The following F13A1 variants were observed in gnomAD, a reference collection of about 807,000 sequenced individuals.
F13A1 encodes the protein coagulation factor XIII A chain, also known as FSF, A subunit.
In F13A1, 47 loss-of-function variants were observed where a neutral mutation model predicts 80.1. The observed-to-expected ratio is 0.59, with a 90% CI of 0.46 to 0.75. The LOEUF is 0.75. Ranked by LOEUF, F13A1 falls within the 30% of genes least tolerant of loss-of-function variation. The pLI is 0.00. For missense variants in F13A1, 817 were observed against 930.4 expected, an observed-to-expected ratio of 0.88 and a Z score of 1.59; for synonymous variants, 349 against 344.9, an observed-to-expected ratio of 1.01 and a Z score of -0.13.
Position 6,185,736 on chromosome 6 carries a change from C to A in F13A1, c.1306-3595G>T, listed in dbSNP as rs1284330333. On this transcript the variant is annotated intron_variant, in intron 10 of 14. Transcript: ENST00000264870. The stretch of plus-strand genomic sequence containing the variant: ...ATTTATAGTCCTTTGGGTATATACC[C>A]AGTAATGGGATGGCTGGTTCAAATG... Among the ~76,000 whole-genome samples the A allele has an allele frequency of 7.9e-5, 12 of 152,276 alleles. No homozygotes were observed. In the South Asian group the frequency reaches 2.1e-3, roughly 26 times the overall value.
Position 6,278,102 on chromosome 6 carries a change from C to T in F13A1, c.320-11293G>A, listed in dbSNP as rs112051210. On this transcript the variant is annotated intron_variant, in intron 3 of 14. Transcript: ENST00000264870. ...TTAACAAGTAATTGTTGCTGTGGCA[C>T]GATTCAGGATCTTTTTCGTCAACAG... Among the ~76,000 whole-genome samples, 931 of 152,244 alleles carry T rather than the reference C, an allele frequency of 6.1e-3. 12 individuals carry two copies. The highest frequency in any genetic ancestry group is 0.021 in the African/African-American group (870 of 41,524).
At chr6:6,218,289 C>G (rs1222050797) in intron 8 of F13A1, among the ~76,000 whole-genome samples, 2 of 152,138 alleles carry the variant, frequency 1.3e-5, no homozygotes, top group Non-Finnish European at 1.5e-5. Flanking sequence ...AAGGTGAGGC[C>G]AAACCATTGC....
intron 8 of F13A1, among the ~76,000 whole-genome samples, chr6:6,204,156 C>G (rs991537326): frequency 6.6e-6 from 1 of 152,158 alleles, no homozygotes; most frequent in Non-Finnish European, 1.5e-5. Context: ...AACAAGGAGT[C>G]CTTTACTGAC....
At chr6:6,165,801 G>T (rs922787957) in intron 13 of F13A1, among the ~76,000 whole-genome samples, 1 of 152,198 alleles carries the variant, frequency 6.6e-6, no homozygotes, top group African/African-American at 2.4e-5. Flanking sequence ...TCTCCATTTT[G>T]CATTTGTTTC....
In F13A1 at chr6:6,253,168, G is replaced by A. The variant is rs561392540; in HGVS notation, c.572-2239C>T. Among the ~76,000 whole-genome samples the A allele has an allele frequency of 4.9e-3, 699 of 143,620 alleles. 5 individuals are homozygous for A. Among genetic ancestry groups the A allele is most frequent in the African/African-American group, 0.017 (664 of 38,792 alleles). The allele number at this position is 143,620 out of a possible 152,430, so 94.2% of individuals were successfully genotyped here. A position where few individuals can be genotyped will look rare whatever the true frequency, so the allele number is the denominator to read the frequency against. On this transcript the variant is annotated intron_variant, in intron 4 of 14. Coordinates refer to ENST00000264870, the MANE Select transcript of F13A1 (RefSeq NM_000129.4). ...AAAAAAAAAAAAAAAAAAAAAGAGAGAGAGAGAGAGAGAAAATAGCCAAAA... is the reference window on the plus strand; with the variant it reads ...AAAAAAAAAAAAAAAAAAAAAGAGAAAGAGAGAGAGAGAAAATAGCCAAAA...
At position 6,195,673 on chromosome 6, in the gene F13A1, C is replaced by T. The variant is rs41302861; in HGVS notation, c.1305+124G>A. On this transcript the variant is annotated intron_variant, in intron 10 of 14. Coordinates refer to ENST00000264870, the MANE Select transcript of F13A1 (RefSeq NM_000129.4). ...GGAAGTTGGAATAATGCCTAGTTAC[C>T]TTTGTCAACACGAAGCATACGCTAT... 8.9e-3 allele frequency: 7,298 copies of T among 823,682 alleles called. 67 individuals carry two copies. The highest frequency in any genetic ancestry group is 0.035 in the Middle Eastern group (161 of 4,562). The allele number at this position is 823,682 out of a possible 1,614,324, so 51.0% of individuals were successfully genotyped here.
rs772286419 is a variant in F13A1 at position 6,320,606 on chromosome 6, G to A, written c.-38C>T. ...GCTTACCTGCAGGCGCTCCCCTCCA[G>A]AGGTGCCCTCGCGTGGGCTTGCTCT... On this transcript the variant is annotated 5_prime_UTR_variant, in exon 1 of 15. Transcript: ENST00000264870. 1 of 470,170 alleles carries A rather than the reference G, an allele frequency of 2.1e-6. No homozygotes were observed. Among genetic ancestry groups the A allele is most frequent in the South Asian group, 1.6e-5 (1 of 64,392 alleles). 29.1% of individuals were successfully genotyped at this position (470,170 alleles called of 1,614,324 possible).
At chr6:6,206,837 T>G (rs533203568) in intron 8 of F13A1, among the ~76,000 whole-genome samples, 7 of 150,282 alleles carry the variant, frequency 4.7e-5, no homozygotes, top group South Asian at 4.3e-4. Flanking sequence ...TCAGCAGATA[T>G]ATGTCAGGAA....
At chr6:6,191,527 C>A (rs1761199748) in intron 10 of F13A1, among the ~76,000 whole-genome samples, 1 of 152,160 alleles carries the variant, frequency 6.6e-6, no homozygotes, top group African/African-American at 2.4e-5. Flanking sequence ...GGTCAGGGCC[C>A]TAGCTTCTCA....
intron 4 of F13A1, among the ~76,000 whole-genome samples, chr6:6,259,825 G>C (rs930289568): frequency 6.6e-6 from 1 of 152,160 alleles, no homozygotes; most frequent in Non-Finnish European, 1.5e-5. Context: ...ATCAAGAGGA[G>C]AAAGATCCCT....
intron 4 of F13A1, among the ~76,000 whole-genome samples, chr6:6,256,836 A>C (rs932947929): frequency 6.6e-6 from 1 of 152,204 alleles, no homozygotes. Flanking sequence ...ATGCTATTTC[A>C]AAGTCAGAGC....
At chr6:6,270,003 C>T (rs112781779) in intron 3 of F13A1, among the ~76,000 whole-genome samples, 8,327 of 152,268 alleles carry the variant, frequency 0.055, 299 homozygotes, top group Middle Eastern at 0.13. Flanking sequence ...TGAGCCACTG[C>T]GCCCAGCCTA....
At chr6:6,280,374 G>A (rs1389422626) in intron 3 of F13A1, among the ~76,000 whole-genome samples, 1 of 152,126 alleles carries the variant, frequency 6.6e-6, no homozygotes, top group Non-Finnish European at 1.5e-5. Flanking sequence ...GGAAGTCAAC[G>A]ACTTTATTAA....
chr6:6,206,468 C>T (rs755069674), intron 8 of F13A1: 3 of 470,792 alleles, frequency 6.4e-6, no homozygotes, highest in Non-Finnish European at 8.8e-6. Context: ...TGCCTAATTT[C>T]CCAAGAAGTT....
intron 8 of F13A1, among the ~76,000 whole-genome samples, chr6:6,219,809 G>A: frequency 6.6e-6 from 1 of 152,196 alleles, no homozygotes. Context: ...GTCATCTTAG[G>A]ACACTGGGCA....
intron 8 of F13A1, among the ~76,000 whole-genome samples, chr6:6,200,562 A>AG (rs1160013624): frequency 2.0e-5 from 3 of 151,962 alleles, no homozygotes; most frequent in Admixed American, 6.6e-5. Flanking sequence ...AAAAAAAAAA[A>AG]AAAAAGTGAT....
chr6:6,156,122 C>T (rs919877392), intron 13 of F13A1, among the ~76,000 whole-genome samples: 8 of 152,044 alleles, frequency 5.3e-5, no homozygotes, highest in African/African-American at 1.9e-4. Context: ...TACTTGATGG[C>T]CTTAAGTTTT....
chr6:6,260,050 G>A (rs962012602), intron 4 of F13A1, among the ~76,000 whole-genome samples: 8 of 152,108 alleles, frequency 5.3e-5, no homozygotes, highest in African/African-American at 1.7e-4. Flanking sequence ...ATAACTGCCC[G>A]TCTCACTCCT....
At chr6:6,190,462 G>T (rs1042944788) in intron 10 of F13A1, among the ~76,000 whole-genome samples, 2 of 149,200 alleles carry the variant, frequency 1.3e-5, no homozygotes, top group Non-Finnish European at 3.0e-5. Flanking sequence ...CTCAGCTGCA[G>T]GTCTGTTGGA....
Sources: gnomAD v4.1 joint callset for allele counts (sites outside exome capture counted in the v4.1 genomes callset) on GRCh38, gnomAD v4.1.1 for gene constraint, MANE v1.5 for transcripts, NCBI Gene and HGNC (gene_info 2026-07-23, HGNC 2026-07-21) for gene names.